Variants in KIF13A observed in about 807,000 individuals in gnomAD.
KIF13A encodes kinesin-like protein KIF13A.
A neutral mutation model predicts 212.2 loss-of-function variants in KIF13A; 79 were observed. The observed-to-expected ratio is 0.37, with a 90% CI of 0.31 to 0.45. The LOEUF (loss-of-function observed/expected upper bound fraction) is 0.45. Ranked by LOEUF, KIF13A falls within the 20% of genes least tolerant of loss-of-function variation. The probability of loss-of-function intolerance (pLI) is 1.00; values close to 1 mark genes in which losing one functional copy is unlikely to be tolerated. For synonymous variants in KIF13A, 789 were observed against 808.6 expected (o/e 0.98, Z 0.41); for missense variants, 1,901 against 2,209.0 (o/e 0.86, Z 2.79).
intron 6 of KIF13A, among the ~76,000 whole-genome samples, chr6:17,854,034 A>G (rs1012995629): frequency 2.0e-5 from 3 of 152,176 alleles, no homozygotes; most frequent in Non-Finnish European, 4.4e-5. Context: ...GTTATTTTGT[A>G]TGCATTAAAT....
chr6:17,893,409 T>G (rs1772247225), intron 3 of KIF13A, among the ~76,000 whole-genome samples: 1 of 152,236 alleles, frequency 6.6e-6, no homozygotes, highest in Admixed American at 6.5e-5. Context: ...AAATTTTATT[T>G]TTGAATTGTT....
chr6:17,810,082 G>A lies in KIF13A; in HGVS notation c.2001-1152C>T, dbSNP rs549641795. On this transcript the variant is annotated intron_variant, in intron 17 of 38. Coordinates refer to ENST00000259711, the MANE Select transcript of KIF13A (RefSeq NM_022113.6). ...TCTCTATTAAAAAAAAACAAAAAAG[G>A]TGATACCATTTTTCCAGTCACCCAC... 6.6e-5 allele frequency among the ~76,000 whole-genome samples: 10 copies of A among 152,056 alleles called. No individual in the cohort carries two copies. The South Asian group carries it at 2.1e-3, about 32-fold the overall frequency.
In KIF13A at chr6:17,839,938, T is replaced by C. The variant is rs2150383855; in HGVS notation, c.831-2355A>G. On this transcript the variant is annotated intron_variant, in intron 9 of 38. Coordinates refer to ENST00000259711, the MANE Select transcript of KIF13A (RefSeq NM_022113.6). The surrounding 1 kb of genome is among the most constrained non-coding windows in gnomAD (Gnocchi z 4.3). ...TTGTGAGAAATAAATTTCTGTTGTTTTAAGCTACTCAGTTTGTGGTAATCT... is the reference window on the plus strand; with the variant it reads ...TTGTGAGAAATAAATTTCTGTTGTTCTAAGCTACTCAGTTTGTGGTAATCT... Among the ~76,000 whole-genome samples the C allele has an allele frequency of 6.6e-6, 1 of 152,328 alleles. No homozygotes were observed. The highest frequency in any genetic ancestry group is 1.9e-4 in the East Asian group (1 of 5,186).
chr6:17,842,227 T>C (rs1336077678), intron 9 of KIF13A, among the ~76,000 whole-genome samples: 1 of 151,706 alleles, frequency 6.6e-6, no homozygotes, highest in Admixed American at 6.6e-5. Context: ...TTTTTAAATT[T>C]TTTTGTAGAG....
rs1249556479 is a variant in KIF13A, at chr6:17,779,696, A to C, written c.3847-12T>G. The C allele has an allele frequency of 5.7e-6, 7 of 1,219,570 alleles. No homozygotes were observed. Among genetic ancestry groups the C allele is most frequent in the Non-Finnish European group, 8.3e-6 (7 of 847,600 alleles). The allele number at this position is 1,219,570 out of a possible 1,614,324, so 75.5% of individuals were successfully genotyped here. On this transcript the variant is annotated splice_polypyrimidine_tract_variant and intron_variant, in intron 31 of 38. Coordinates refer to ENST00000259711, the MANE Select transcript of KIF13A (RefSeq NM_022113.6). ...CTCTGCGTGAAACTCTAGTAGAAAA[A>C]AAAAAAAGCTGTATTAAGCTATGTG...
At position 17,987,515 on chromosome 6, in the gene KIF13A, C is replaced by G; in HGVS notation, c.-52G>C. 3.9e-6 allele frequency: 4 copies of G among 1,024,820 alleles called. No homozygotes were observed. The highest frequency in any genetic ancestry group is 3.6e-6 in the Non-Finnish European group (3 of 840,240). 63.5% of individuals were successfully genotyped at this position (1,024,820 alleles called of 1,614,324 possible). ...CCGCGCCCGCTCGGCCTTAGGCGGC[C>G]CCTCACGCGCGGCGCCGCCGCCGCT... On this transcript the variant is annotated 5_prime_UTR_variant, in exon 1 of 39. Transcript: ENST00000259711. The surrounding 1 kb of genome is among the most constrained non-coding windows in gnomAD (Gnocchi z 7.7).
At chr6:17,792,859 A>G (rs1249338145) in intron 25 of KIF13A, among the ~76,000 whole-genome samples, 1 of 152,234 alleles carries the variant, frequency 6.6e-6, no homozygotes, top group Non-Finnish European at 1.5e-5. Flanking sequence ...AAGGAAACTA[A>G]GATAGAAGAG....
At chr6:17,864,011 G>T (rs1040135138) in intron 4 of KIF13A, among the ~76,000 whole-genome samples, 5 of 152,122 alleles carry the variant, frequency 3.3e-5, no homozygotes, top group Non-Finnish European at 7.4e-5. Flanking sequence ...AACGTTTTCC[G>T]ACTAGTTTAC....
chr6:17,893,776 G>A (rs552753674), intron 3 of KIF13A, among the ~76,000 whole-genome samples: 18 of 142,528 alleles, frequency 1.3e-4, no homozygotes, highest in Admixed American at 7.7e-4. Flanking sequence ...CTGCAAGTTT[G>A]TATCATAAAT....
chr6:17,879,181 C>T (rs1166428784), intron 3 of KIF13A, among the ~76,000 whole-genome samples: 1 of 152,190 alleles, frequency 6.6e-6, no homozygotes, highest in Non-Finnish European at 1.5e-5. Context: ...TCCCTTGACA[C>T]TGATTTACAT....
At chr6:17,966,752 T>C (rs1290016338) in intron 2 of KIF13A, among the ~76,000 whole-genome samples, 1 of 152,208 alleles carries the variant, frequency 6.6e-6, no homozygotes, top group Non-Finnish European at 1.5e-5. Flanking sequence ...TTCAGCTTCA[T>C]CCTTCTGTCT....
chr6:17,987,289 G>A lies in KIF13A; in HGVS notation c.55+120C>T, dbSNP rs1781661123. The A allele has an allele frequency of 9.4e-6, 8 of 851,632 alleles. No individual in the cohort carries two copies. Among genetic ancestry groups the A allele is most frequent in the African/African-American group, 5.5e-5 (3 of 54,140 alleles). 52.8% of individuals were successfully genotyped at this position (851,632 alleles called of 1,614,324 possible). A position where few individuals can be genotyped will look rare whatever the true frequency, so the allele number is the denominator to read the frequency against. ...CCCGGGCACCACGGCCAGCGCGGAC[G>A]CCGCCTCCGCCCCGGCCCCCCGGCC... is the stretch of plus-strand genomic sequence containing the variant. On this transcript the variant is annotated intron_variant, in intron 1 of 38. Coordinates refer to ENST00000259711, the MANE Select transcript of KIF13A (RefSeq NM_022113.6). The surrounding 1 kb of genome is among the most constrained non-coding windows in gnomAD (Gnocchi z 7.7).
rs995942440 is a variant in KIF13A at position 17,961,133 on chromosome 6, A to T, written c.146+25921T>A. ...CTTAAAGGAAGACGTATGCTGAAAC[A>T]TCCAAAAGGAACCAATGAATGTGAG... On this transcript the variant is annotated intron_variant, in intron 2 of 38. Coordinates refer to ENST00000259711, the MANE Select transcript of KIF13A (RefSeq NM_022113.6). The surrounding 1 kb of genome is among the most constrained non-coding windows in gnomAD (Gnocchi z 4.1). Among the ~76,000 whole-genome samples the T allele has an allele frequency of 5.9e-5, 9 of 152,232 alleles. No individual in the cohort carries two copies. Among genetic ancestry groups the T allele is most frequent in the Admixed American group, 5.9e-4 (9 of 15,280 alleles).
chr6:17,967,839 A>C lies in KIF13A; in HGVS notation c.146+19215T>G, dbSNP rs1779463868. Among the ~76,000 whole-genome samples the C allele has an allele frequency of 6.6e-6, 1 of 152,240 alleles. No individual in the cohort carries two copies. Among genetic ancestry groups the C allele is most frequent in the African/African-American group, 2.4e-5 (1 of 41,464 alleles). On this transcript the variant is annotated intron_variant, in intron 2 of 38. Transcript: ENST00000259711. This position sits in a 1 kb window ranked among gnomAD's most constrained non-coding sequence, Gnocchi z 4.1. ...GAGATGCATCACAAGTAACTTGTTA[A>C]TAAGGTGCTCATTAAGTAAGTCTGT...
At position 17,779,580 on chromosome 6, in the gene KIF13A, C is replaced by T. The variant is rs771778566; in HGVS notation, c.3939+12G>A. The T allele has an allele frequency of 3.4e-6, 4 of 1,186,766 alleles. No homozygotes were observed. The highest frequency in any genetic ancestry group is 3.7e-6 in the Non-Finnish European group (3 of 821,746). 73.5% of individuals were successfully genotyped at this position (1,186,766 alleles called of 1,614,324 possible). A position where few individuals can be genotyped will look rare whatever the true frequency, so the allele number is the denominator to read the frequency against. ...AGCCACTGCGCCCGGCCTAAAGTAGCATATATTTTACCTTTGGTATATTGG... is the reference window on the plus strand; with the variant it reads ...AGCCACTGCGCCCGGCCTAAAGTAGTATATATTTTACCTTTGGTATATTGG... On this transcript the variant is annotated intron_variant, in intron 32 of 38. Transcript: ENST00000259711.
rs143221617 is a variant in KIF13A, at chr6:17,851,838, T to C, written c.582+117A>G. Reference sequence around the variant, plus strand: ...TTGCGGTGTGCTGATACTGGGTTTCTGAGGCCCTGAGTAGTATCATTCTGC... The same window carrying C: ...TTGCGGTGTGCTGATACTGGGTTTCCGAGGCCCTGAGTAGTATCATTCTGC... On this transcript the variant is annotated intron_variant, in intron 7 of 38. Coordinates refer to ENST00000259711, the MANE Select transcript of KIF13A (RefSeq NM_022113.6). 1.8e-3 allele frequency: 852 copies of C among 464,324 alleles called. 4 individuals are homozygous for C. Among genetic ancestry groups the C allele is most frequent in the African/African-American group, 8.1e-3 (398 of 49,360 alleles). 28.8% of individuals were successfully genotyped at this position (464,324 alleles called of 1,614,324 possible). A position where few individuals can be genotyped will look rare whatever the true frequency, so the allele number is the denominator to read the frequency against.
intron 2 of KIF13A, among the ~76,000 whole-genome samples, chr6:17,916,396 C>T (rs1411902770): frequency 6.6e-6 from 1 of 152,182 alleles, no homozygotes; most frequent in Non-Finnish European, 1.5e-5. Context: ...CTGTTACCTT[C>T]CCAGAGCAGA....
At chr6:17,944,142 C>CA (rs1777181029) in intron 2 of KIF13A, among the ~76,000 whole-genome samples, 1 of 152,192 alleles carries the variant, frequency 6.6e-6, no homozygotes, top group Non-Finnish European at 1.5e-5. Context: ...GGAGATCTGA[C>CA]ATGTGAGCCT....
intron 2 of KIF13A, among the ~76,000 whole-genome samples, chr6:17,924,485 G>A (rs1775330747): frequency 6.6e-6 from 1 of 152,156 alleles, no homozygotes; most frequent in East Asian, 1.9e-4. Flanking sequence ...CAATAAAAGT[G>A]CTTCTATAAG....
Sources: allele counts gnomAD v4.1 joint callset (sites outside exome capture counted in the v4.1 genomes callset), GRCh38; gene constraint gnomAD v4.1.1; non-coding constraint Gnocchi (gnomAD v3.1); transcripts MANE v1.5; gene names NCBI Gene and HGNC (gene_info 2026-07-23, HGNC 2026-07-21).